The following NBEA variants were observed in gnomAD, a reference collection of about 807,000 sequenced individuals.
NBEA encodes the protein lysosomal-trafficking regulator 2.
Under a neutral mutation model 343.4 loss-of-function variants are expected in NBEA, and 44 were observed. That is an observed-to-expected ratio of 0.13 (90% CI 0.10 to 0.16). The LOEUF (loss-of-function observed/expected upper bound fraction) is 0.16. Among genes scored for constraint, NBEA ranks in the 10% least tolerant of loss-of-function variants. The pLI, the probability that NBEA is intolerant of heterozygous loss-of-function variation, is 1.00. For missense variants in NBEA, 2,555 were observed against 3,631.3 expected, an observed-to-expected ratio of 0.70 and a Z score of 7.62; for synonymous variants, 1,175 against 1,238.7, an observed-to-expected ratio of 0.95 and a Z score of 1.08.
At chr13:35,334,035 A>T (rs574335121) in intron 36 of NBEA, among the ~76,000 whole-genome samples, 1 of 151,518 alleles carries the variant, frequency 6.6e-6, no homozygotes, top group South Asian at 2.1e-4. Flanking sequence ...CCGTAGATCG[A>T]TTTCCTTTCA....
intron 49 of NBEA, among the ~76,000 whole-genome samples, chr13:35,632,216 A>G (rs1352125554): frequency 6.6e-6 from 1 of 152,182 alleles, no homozygotes; most frequent in Non-Finnish European, 1.5e-5. Context: ...TTTACTTACT[A>G]AATGATGACC....
At chr13:34,951,055 A>G (rs1215383013) in intron 1 of NBEA, among the ~76,000 whole-genome samples, 1 of 152,210 alleles carries the variant, frequency 6.6e-6, no homozygotes, top group Non-Finnish European at 1.5e-5. Flanking sequence ...CTGGGCTCGT[A>G]AACTGTTACA....
At chr13:35,658,093 C>T (rs1031423139) in intron 55 of NBEA, among the ~76,000 whole-genome samples, 2 of 151,936 alleles carry the variant, frequency 1.3e-5, no homozygotes, top group Admixed American at 6.6e-5. Context: ...AAGCTCCTTA[C>T]AACAGGAGCT....
At chr13:35,442,575 C>T (rs1264293508) in intron 39 of NBEA, among the ~76,000 whole-genome samples, 1 of 152,096 alleles carries the variant, frequency 6.6e-6, no homozygotes, top group Non-Finnish European at 1.5e-5. Context: ...GTTAACATTT[C>T]ATACTTATAT....
chr13:35,150,957 A>C (rs2068743309), intron 18 of NBEA, among the ~76,000 whole-genome samples: 1 of 151,540 alleles, frequency 6.6e-6, no homozygotes, highest in African/African-American at 2.4e-5. Flanking sequence ...CTCTACTAAA[A>C]ATACAAAAGA....
At chr13:35,300,181 G>A (rs535069698) in intron 35 of NBEA, among the ~76,000 whole-genome samples, 71 of 151,942 alleles carry the variant, frequency 4.7e-4, no homozygotes, top group Non-Finnish European at 7.5e-4. Flanking sequence ...GAAATTAGCC[G>A]GGCATAGTGG....
At chr13:35,394,368 TC>T (rs1436865062) in intron 38 of NBEA, among the ~76,000 whole-genome samples, 2 of 152,116 alleles carry the variant, frequency 1.3e-5, no homozygotes, top group Non-Finnish European at 2.9e-5. Context: ...CCTTTTTTCC[TC>T]CCTTTTTGGT....
Position 35,667,486 on chromosome 13 carries a change from C to G in NBEA, c.8577C>G (p.Ile2859Met), listed in dbSNP as rs776220383. ...LISVSSEGHC[I>M]IYYERGRFSN... ...CTGTCTCCAGCGAAGGCCACTGTAT[C>G]ATATACTATGAACGAGGGCGATTCA... Residue 2859 changes from isoleucine to methionine, a missense_variant, in exon 57 of 59, where the codon ATC (isoleucine) becomes ATG (methionine). By Grantham distance (10) the Ile-to-Met change is conservative (BLOSUM62 1). Around this residue, in one of 21 missense-constraint regions of NBEA, gnomAD observed 186 missense variants for 328.9 expected, o/e 0.57. Transcript: ENST00000379939. 1.2e-6 allele frequency: 2 copies of G among 1,613,988 alleles called. No homozygotes were observed. Among genetic ancestry groups the G allele is most frequent in the South Asian group, 2.2e-5 (2 of 91,086 alleles).
At chr13:35,160,408 T>A (rs1418375144) in intron 22 of NBEA, among the ~76,000 whole-genome samples, 1 of 152,140 alleles carries the variant, frequency 6.6e-6, no homozygotes, top group Non-Finnish European at 1.5e-5. Flanking sequence ...ACTTGATTAA[T>A]TTTAACCTTT....
At chr13:35,115,643 T>A (rs2066457789) in intron 13 of NBEA, among the ~76,000 whole-genome samples, 1 of 152,170 alleles carries the variant, frequency 6.6e-6, no homozygotes, top group East Asian at 1.9e-4. Flanking sequence ...GATAAATCCG[T>A]TTGTATTTTA....
rs1386611727 is a variant in NBEA, at chr13:35,123,505, C to G, written c.2267C>G (p.Ser756Cys). ...GIRVIYKLLASKSESIWVQAL... is the reference protein window; with the variant it reads ...GIRVIYKLLACKSESIWVQAL... Reference sequence around the variant, plus strand: ...AGGGTGATCTACAAATTATTGGCTTCTAAAAGTGAAAGTATTTGGGTTCAA... The same window carrying G: ...AGGGTGATCTACAAATTATTGGCTTGTAAAAGTGAAAGTATTTGGGTTCAA... Residue 756 changes from serine to cysteine, a missense_variant, in exon 17 of 59, where the codon TCT becomes TGT. By Grantham distance (112) the Ser-to-Cys change is moderately radical. This residue lies in a region of NBEA where 360 missense variants were observed against 519.1 expected (regional missense o/e 0.69). Transcript: ENST00000379939. 2.0e-6 allele frequency: 3 copies of G among 1,528,522 alleles called. No homozygotes were observed. Among genetic ancestry groups the G allele is most frequent in the East Asian group, 2.4e-5 (1 of 42,548 alleles). 94.7% of individuals were successfully genotyped at this position (1,528,522 alleles called of 1,614,324 possible). A position where few individuals can be genotyped will look rare whatever the true frequency, so the allele number is the denominator to read the frequency against.
intron 34 of NBEA, among the ~76,000 whole-genome samples, chr13:35,286,298 T>C (rs1393080868): frequency 1.3e-5 from 2 of 152,174 alleles, no homozygotes; most frequent in African/African-American, 4.8e-5. Context: ...ATTTTTTCTC[T>C]ACAGTTGATA....
At chr13:35,072,320 A>C (rs1480591357) in intron 10 of NBEA, among the ~76,000 whole-genome samples, 1 of 152,138 alleles carries the variant, frequency 6.6e-6, no homozygotes, top group African/African-American at 2.4e-5. Flanking sequence ...TATTTGGTTT[A>C]TTCATCCAAG....
intron 13 of NBEA, among the ~76,000 whole-genome samples, chr13:35,113,778 T>C (rs1287727160): frequency 6.6e-6 from 1 of 152,190 alleles, no homozygotes; most frequent in Admixed American, 6.5e-5. Context: ...GCTCTGACAT[T>C]GTATTGCAGA....
At chr13:35,598,831 A>G (rs550064384) in intron 47 of NBEA, among the ~76,000 whole-genome samples, 1 of 152,284 alleles carries the variant, frequency 6.6e-6, no homozygotes, top group Admixed American at 6.5e-5. Flanking sequence ...ATTGATCTCC[A>G]TCCTGAACCT....
chr13:35,351,036 T>C (rs1285084202), intron 37 of NBEA, among the ~76,000 whole-genome samples: 1 of 152,028 alleles, frequency 6.6e-6, no homozygotes, highest in Non-Finnish European at 1.5e-5. Flanking sequence ...ATCGTTGTAC[T>C]AATTGGTGAT....
intron 38 of NBEA, among the ~76,000 whole-genome samples, chr13:35,359,574 T>C (rs1237341530): frequency 2.6e-5 from 4 of 152,136 alleles, no homozygotes; most frequent in African/African-American, 9.6e-5. Flanking sequence ...AGTGGTGGGG[T>C]CGGTTCTAAC....
intron 1 of NBEA, among the ~76,000 whole-genome samples, chr13:35,001,744 A>T (rs1021141124): frequency 6.6e-6 from 1 of 152,120 alleles, no homozygotes; most frequent in Non-Finnish European, 1.5e-5. Context: ...TTTAGATAGG[A>T]GGAGCACTGT....
chr13:34,966,962 T>C (rs951743016), intron 1 of NBEA, among the ~76,000 whole-genome samples: 1 of 151,326 alleles, frequency 6.6e-6, no homozygotes, highest in African/African-American at 2.4e-5. Context: ...ACCTTTCTTT[T>C]TTTTTTTTTT....
Sources: allele counts gnomAD v4.1 joint callset (sites outside exome capture counted in the v4.1 genomes callset), GRCh38; gene constraint gnomAD v4.1.1; regional missense constraint gnomAD v4.1.1; transcripts MANE v1.5; gene names NCBI Gene and HGNC (gene_info 2026-07-23, HGNC 2026-07-21).